ZNF536: variants seen among roughly 807,000 people sequenced by gnomAD.
ZNF536 encodes zinc finger protein 536.
ZNF536 carries 13 observed loss-of-function variants against 84.5 expected under a neutral mutation model. The observed-to-expected ratio is 0.15, with a 90% CI of 0.10 to 0.24. The LOEUF is 0.24. ZNF536 is among the 10% of genes least tolerant of loss of function. ZNF536 has a pLI of 1.00. For synonymous variants in ZNF536, 811 were observed against 742.5 expected, an observed-to-expected ratio of 1.09 and a Z score of -1.50; for missense variants, 1,536 against 1,747.5, an observed-to-expected ratio of 0.88 and a Z score of 2.16.
chr19:30,670,193 C>G (rs1429805286), intron 1 of ZNF536, among the ~76,000 whole-genome samples: 3 of 152,218 alleles, frequency 2.0e-5, no homozygotes, highest in Non-Finnish European at 2.9e-5. Flanking sequence ...AGGCTCCTCT[C>G]TCCTCCCCAT....
chr19:30,436,212 TAC>T (rs2051740105), intron 1 of ZNF536, among the ~76,000 whole-genome samples: 1 of 152,222 alleles, frequency 6.6e-6, no homozygotes. Flanking sequence ...CTCTGTTGGT[TAC>T]ACAGTTGTCA....
chr19:30,305,677 AC>A (rs1163975916), intron 2 of ZNF536, among the ~76,000 whole-genome samples: 1 of 152,064 alleles, frequency 6.6e-6, no homozygotes, highest in Non-Finnish European at 1.5e-5. Flanking sequence ...TCAGAGGGTG[AC>A]CCCAGATCTG....
chr19:30,233,082 C>A (rs1167158451), intron 1 of ZNF536, among the ~76,000 whole-genome samples: 1 of 152,108 alleles, frequency 6.6e-6, no homozygotes, highest in Admixed American at 6.5e-5. Flanking sequence ...GGACTGTGCA[C>A]TAAACAGGGG....
At chr19:30,379,782 G>A (rs1488144657) in intron 1 of ZNF536, among the ~76,000 whole-genome samples, 2 of 152,080 alleles carry the variant, frequency 1.3e-5, no homozygotes, top group Non-Finnish European at 2.9e-5. Context: ...AAGGGGTGCT[G>A]ATGCAGCTTT....
At chr19:30,702,214 C>T (rs1266467376) in intron 1 of ZNF536, among the ~76,000 whole-genome samples, 1 of 152,192 alleles carries the variant, frequency 6.6e-6, no homozygotes, top group Non-Finnish European at 1.5e-5. Context: ...TATCTCGTTT[C>T]CCCACTTTCG....
intron 2 of ZNF536, among the ~76,000 whole-genome samples, chr19:30,532,016 T>C (rs531935802): frequency 6.6e-6 from 1 of 152,320 alleles, no homozygotes; most frequent in Admixed American, 6.5e-5. Flanking sequence ...CCTGCAGCTT[T>C]ATTCCACAGT....
intron 2 of ZNF536, among the ~76,000 whole-genome samples, chr19:30,526,216 C>A (rs986761181): frequency 6.6e-6 from 1 of 152,228 alleles, no homozygotes; most frequent in African/African-American, 2.4e-5. Flanking sequence ...CCAAACCTTG[C>A]CCGCTGCATC....
At chr19:30,509,053 T>G (rs2055297621) in intron 2 of ZNF536, among the ~76,000 whole-genome samples, 1 of 150,736 alleles carries the variant, frequency 6.6e-6, no homozygotes, top group Non-Finnish European at 1.5e-5. Flanking sequence ...CATGCTGGTC[T>G]GGGGCTCCCG....
At chr19:30,396,117 C>G (rs1294504726) in intron 1 of ZNF536, among the ~76,000 whole-genome samples, 1 of 152,162 alleles carries the variant, frequency 6.6e-6, no homozygotes, top group Non-Finnish European at 1.5e-5. Context: ...CTCCTCTCTG[C>G]TCTGCCTACT....
chr19:30,553,340 C>G (rs2045851554), intron 4 of ZNF536, among the ~76,000 whole-genome samples: 1 of 152,214 alleles, frequency 6.6e-6, no homozygotes, highest in South Asian at 2.1e-4. Flanking sequence ...CAAGGCTGGT[C>G]TGCACAGCAC....
At chr19:30,277,877 A>T (rs1422136896) in intron 1 of ZNF536, among the ~76,000 whole-genome samples, 1 of 152,120 alleles carries the variant, frequency 6.6e-6, no homozygotes, top group Non-Finnish European at 1.5e-5. Flanking sequence ...GAGGGTGACC[A>T]TTTCTCCGTT....
intron 1 of ZNF536, among the ~76,000 whole-genome samples, chr19:30,255,176 C>A (rs1350125029): frequency 6.6e-6 from 1 of 151,558 alleles, no homozygotes; most frequent in Non-Finnish European, 1.5e-5. Context: ...CCCTTTTTTT[C>A]ATTCAAAAGA....
intron 1 of ZNF536, among the ~76,000 whole-genome samples, chr19:30,593,306 G>A (rs2047337710): frequency 6.6e-6 from 1 of 152,144 alleles, no homozygotes; most frequent in Non-Finnish European, 1.5e-5. Flanking sequence ...AGCAGTGAGG[G>A]AGGAACCTCA....
chr19:30,441,131 C>T (rs886371606), intron 1 of ZNF536, among the ~76,000 whole-genome samples: 1 of 152,222 alleles, frequency 6.6e-6, no homozygotes, highest in Non-Finnish European at 1.5e-5. Flanking sequence ...TTCTTTCCCT[C>T]CTGCTGAATT....
chr19:30,704,752 A>G (rs2052152577), intron 1 of ZNF536, among the ~76,000 whole-genome samples: 1 of 151,392 alleles, frequency 6.6e-6, no homozygotes, highest in South Asian at 2.1e-4. Flanking sequence ...TGGGGATGAG[A>G]TGACCTACCT....
At chr19:30,255,100 C>T (rs569435831) in intron 1 of ZNF536, among the ~76,000 whole-genome samples, 2 of 152,196 alleles carry the variant, frequency 1.3e-5, no homozygotes, top group South Asian at 2.1e-4. Flanking sequence ...AATTTAGCAC[C>T]GTGTGGCATA....
rs569312789 is a variant in ZNF536, at chr19:30,627,468, C to CAAAAAAAAAAAAAAAAAAAAAA, written c.169+77968_169+77989dup. Among the ~76,000 whole-genome samples the CAAAAAAAAAAAAAAAAAAAAAA allele has an allele frequency of 7.7e-5, 4 of 52,050 alleles. No homozygotes were observed. The Admixed American group carries it at 1.1e-3, about 14-fold the overall frequency. 34.1% of individuals were successfully genotyped at this position (52,050 alleles called of 152,430 possible). A position where few individuals can be genotyped will look rare whatever the true frequency, so the allele number is the denominator to read the frequency against. On this transcript the variant is annotated intron_variant, in intron 1 of 1. Transcript: ENST00000592773. ...CCTGGGTGACAGACCAAGGCCCTGT[C>CAAAAAAAAAAAAAAAAAAAAAA]AAAAAAAAAAAAAAAAAAAAAAAAA...
downstream of ZNF536, among the ~76,000 whole-genome samples, chr19:30,561,280 G>A (rs144575120): frequency 8.9e-4 from 135 of 152,324 alleles, no homozygotes; most frequent in African/African-American, 2.9e-3. Context: ...GAGAGCTGGG[G>A]TTGACCACGA....
At chr19:30,621,197 C>A (rs2048469264) in intron 1 of ZNF536, among the ~76,000 whole-genome samples, 1 of 151,740 alleles carries the variant, frequency 6.6e-6, no homozygotes, top group Admixed American at 6.6e-5. Flanking sequence ...TTTTGAGATA[C>A]TAGATTAAAA....
Sources: allele counts gnomAD v4.1 joint callset (sites outside exome capture counted in the v4.1 genomes callset), GRCh38; gene constraint gnomAD v4.1.1; transcripts MANE v1.5; gene names NCBI Gene and HGNC (gene_info 2026-07-23, HGNC 2026-07-21).